The following CFAP47 variants were observed in gnomAD, a reference collection of about 807,000 sequenced individuals.
CFAP47 encodes the protein cilia and flagella associated protein 47, also known as cilia- and flagella-associated protein 47.
Under a neutral mutation model 148.1 loss-of-function variants are expected in CFAP47, and 29 were observed. That is an observed-to-expected ratio of 0.20 (90% confidence interval 0.15 to 0.27). CFAP47 has a LOEUF of 0.27. Among genes scored for constraint, CFAP47 ranks in the 10% least tolerant of loss-of-function variants. The pLI, the probability that CFAP47 is intolerant of heterozygous loss-of-function variation, is 1.00. For synonymous variants in CFAP47, 664 were observed against 577.3 expected (o/e 1.15, Z -2.15); for missense variants, 1,872 against 1,697.5 (o/e 1.10, Z -1.81).
intron 26 of CFAP47, among the ~76,000 whole-genome samples, chrX:36,065,228 G>T (rs1937626694): frequency 9.0e-6 from 1 of 111,549 alleles, no homozygotes; most frequent in Admixed American, 9.5e-5. Flanking sequence ...CAGCTCTCCA[G>T]ATATAAAATG....
At chrX:36,339,636 C>G (rs938453177) in intron 57 of CFAP47, among the ~76,000 whole-genome samples, 10 of 111,444 alleles carry the variant, frequency 9.0e-5, no homozygotes, top group African/African-American at 3.3e-4. Flanking sequence ...CTTGACAGTC[C>G]TCAATGTCAG....
chrX:36,019,761 T>C (rs1029312866), intron 22 of CFAP47, among the ~76,000 whole-genome samples: 5 of 112,182 alleles, frequency 4.5e-5, no homozygotes, highest in African/African-American at 1.6e-4. Flanking sequence ...TTTGAATTTC[T>C]GCAGTATCAG....
intron 1 of CFAP47, among the ~76,000 whole-genome samples, chrX:35,923,867 ATATATGTATATATGTACATATATATGTG>A (rs1935620807): frequency 1.0e-5 from 1 of 100,452 alleles, no homozygotes; most frequent in Admixed American, 1.1e-4. Context: ...ATATATGTAC[ATATATGTATATATGTACATATATATGTG>A]TATATATGTA....
intron 49 of CFAP47, among the ~76,000 whole-genome samples, chrX:36,271,133 A>T (rs1940954030): frequency 8.9e-6 from 1 of 111,830 alleles, no homozygotes; most frequent in Non-Finnish European, 1.9e-5. Context: ...AAGATTTTTT[A>T]GGCCATTATA....
chrX:35,958,552 C>CT lies in CFAP47; in HGVS notation c.1410+2363dup, dbSNP rs767041901. ...CTCCACCACACTTGTTAATGTACTT[C>CT]TTTTTTTATTATAGCCATCCCAATG... On this transcript the variant is annotated intron_variant, in intron 8 of 63. Coordinates refer to ENST00000378653, the MANE Select transcript of CFAP47 (RefSeq NM_001304548.2). Among the ~76,000 whole-genome samples, 582 of 111,960 alleles carry CT rather than the reference C, an allele frequency of 5.2e-3. 6 individuals carry two copies. Among genetic ancestry groups the CT allele is most frequent in the African/African-American group, 0.018 (554 of 30,848 alleles).
At position 35,993,171 on chromosome X, in the gene CFAP47, T is replaced by C. The variant is rs1460328805; in HGVS notation, c.2968-19T>C. The C allele has an allele frequency of 6.8e-6, 2 of 292,183 alleles. No individual in the cohort carries two copies. The highest frequency in any genetic ancestry group is 1.2e-5 in the Non-Finnish European group (2 of 167,415). 24.1% of individuals were successfully genotyped at this position (292,183 alleles called of 1,213,427 possible). On this transcript the variant is annotated intron_variant, in intron 17 of 63. Coordinates refer to ENST00000378653, the MANE Select transcript of CFAP47 (RefSeq NM_001304548.2). ...ATTTTAAAGAATAATGTATCATTTC[T>C]GCAAATTTTCAATTACAGGTTTGTA...
rs1397658908 is a variant in CFAP47, at chrX:36,228,627, G to A, written c.6818-1G>A. The A allele has an allele frequency of 1.9e-6, 1 of 519,756 alleles. No homozygotes were observed. Among genetic ancestry groups the A allele is most frequent in the Non-Finnish European group, 3.5e-6 (1 of 284,875 alleles). 42.8% of individuals were successfully genotyped at this position (519,756 alleles called of 1,213,427 possible). On this transcript the variant is annotated splice_acceptor_variant, in intron 45 of 63. Coordinates refer to ENST00000378653, the MANE Select transcript of CFAP47 (RefSeq NM_001304548.2). LOFTEE classifies it high-confidence loss of function. Reference sequence around the variant, plus strand: ...GAACTGTTTTAAAATTATTTTGATAGCTTCAGATGGATCTGTTCCACTTCC... The same window carrying A: ...GAACTGTTTTAAAATTATTTTGATAACTTCAGATGGATCTGTTCCACTTCC...
At chrX:36,014,340 A>G (rs1035164214) in intron 21 of CFAP47, among the ~76,000 whole-genome samples, 1 of 111,605 alleles carries the variant, frequency 9.0e-6, no homozygotes, top group Non-Finnish European at 1.9e-5. Flanking sequence ...TTTTTGACTT[A>G]TACTTTTATT....
intron 46 of CFAP47, among the ~76,000 whole-genome samples, chrX:36,231,356 T>A (rs1479681448): frequency 1.8e-4 from 19 of 106,086 alleles, no homozygotes; most frequent in Admixed American, 1.4e-3. Flanking sequence ...TCCTAGGTAT[T>A]TTATTCTCTT....
At chrX:36,244,797 G>C (rs782551462) in intron 48 of CFAP47, among the ~76,000 whole-genome samples, 5 of 110,786 alleles carry the variant, frequency 4.5e-5, no homozygotes, top group Non-Finnish European at 9.5e-5. Context: ...TATATCACTG[G>C]TACCAATCCT....
At chrX:36,126,894 T>C (rs1367684993) in intron 33 of CFAP47, among the ~76,000 whole-genome samples, 3 of 112,637 alleles carry the variant, frequency 2.7e-5, no homozygotes, top group Non-Finnish European at 5.6e-5. Flanking sequence ...ATAAATGTCT[T>C]CTTTTGAGAA....
intron 61 of CFAP47, chrX:36,365,574 T>G (rs1212210203): frequency 9.0e-6 from 1 of 110,735 alleles, no homozygotes; most frequent in Non-Finnish European, 1.9e-5. Context: ...GATTATTTCT[T>G]CACCCATGTA....
chrX:36,145,113 G>A (rs1602011469), intron 35 of CFAP47, 106 bp from the exon 36 acceptor site: 1 of 319,632 alleles, frequency 3.1e-6, no homozygotes, highest in East Asian at 4.6e-5. Context: ...GTGTGTGTAT[G>A]TGTGTGTATG....
intron 43 of CFAP47, 113 bp downstream of exon 43, chrX:36,200,606 A>G: frequency 3.5e-6 from 1 of 284,727 alleles, no homozygotes; most frequent in East Asian, 5.0e-5. Flanking sequence ...TTAGATTTCG[A>G]AAGGGCTTCT....
At chrX:35,997,900 C>G (rs1936867277) in intron 19 of CFAP47, among the ~76,000 whole-genome samples, 2 of 111,237 alleles carry the variant, frequency 1.8e-5, no homozygotes, top group South Asian at 7.4e-4. Flanking sequence ...TGTAGACATA[C>G]TATAATTTAC....
chrX:36,049,667 AT>A lies in CFAP47; in HGVS notation c.4217+2605del, dbSNP rs764281309. On this transcript the variant is annotated intron_variant, in intron 26 of 63. Transcript: ENST00000378653. ...CATGAATCGTCTCTATGGTTATAGA[AT>A]AAAATCAAACAAATATGAAATGTGA... 5.3e-4 allele frequency among the ~76,000 whole-genome samples: 59 copies of A among 112,151 alleles called. No homozygotes were observed. The East Asian group carries it at 0.015, about 28-fold the overall frequency.
chrX:36,347,786 G>A (rs951906248), intron 57 of CFAP47, among the ~76,000 whole-genome samples: 1 of 110,166 alleles, frequency 9.1e-6, no homozygotes, highest in Non-Finnish European at 1.9e-5. Flanking sequence ...GTTGTGGGGT[G>A]GGGGGCTAGG....
At chrX:36,145,073 A>ATG in intron 35 of CFAP47, 146 bp from the exon 36 acceptor site, 2 of 328,950 alleles carry the variant, frequency 6.1e-6, no homozygotes, top group Non-Finnish European at 9.8e-6. Flanking sequence ...ATATATATAT[A>ATG]TGCGTGTGTG....
Position 36,104,737 on chromosome X carries a change from T to C in CFAP47, c.5320+46T>C, listed in dbSNP as rs746341010. ...TTAAACAAATTATTGCAAATTGTAG[T>C]GTGATGATGGAGAAGGAGCCATGGA... On this transcript the variant is annotated intron_variant, in intron 33 of 63. Coordinates refer to ENST00000378653, the MANE Select transcript of CFAP47 (RefSeq NM_001304548.2). The C allele has an allele frequency of 3.4e-5, 16 of 468,298 alleles. No individual in the cohort carries two copies. The African/African-American group carries it at 3.6e-4, about 11-fold the overall frequency. 38.6% of individuals were successfully genotyped at this position (468,298 alleles called of 1,213,427 possible).
Sources: allele counts gnomAD v4.1 joint callset (sites outside exome capture counted in the v4.1 genomes callset), GRCh38; gene constraint gnomAD v4.1.1; transcripts MANE v1.5; gene names NCBI Gene and HGNC (gene_info 2026-07-23, HGNC 2026-07-21).